The following GLIS3 variants were observed in gnomAD, a reference collection of about 807,000 sequenced individuals.
GLIS3 encodes GLIS family zinc finger 3, also known as zinc finger protein GLIS3.
A neutral mutation model predicts 78.6 loss-of-function variants in GLIS3; 53 were observed. That is an observed-to-expected ratio of 0.67 (90% CI 0.54 to 0.85). The LOEUF (loss-of-function observed/expected upper bound fraction) is 0.85, where lower values mean the gene tolerates loss of function less well. GLIS3 is among the 40% of genes least tolerant of loss of function. The pLI is 0.00. For synonymous variants in GLIS3, 684 were observed against 509.9 expected (o/e 1.34, Z -4.60); for missense variants, 1,703 against 1,231.1 (o/e 1.38, Z -5.74).
chr9:3,947,859 T>G (rs1172062892), intron 4 of GLIS3, among the ~76,000 whole-genome samples: 1 of 152,188 alleles, frequency 6.6e-6, no homozygotes, highest in Non-Finnish European at 1.5e-5. Flanking sequence ...GGCAGAGATA[T>G]TTTCCTGACA....
chr9:4,431,224 T>C, the GLIS3 span, among the ~76,000 whole-genome samples: 2 of 152,230 alleles, frequency 1.3e-5, no homozygotes, highest in Non-Finnish European at 2.9e-5. Context: ...AGGCCTTTGA[T>C]GCCAACAGAA....
intron 6 of GLIS3, 126 bp from the exon 7 acceptor site, chr9:3,898,961 T>G: frequency 1.7e-6 from 2 of 1,152,272 alleles, no homozygotes; most frequent in Non-Finnish European, 2.6e-6. Context: ...CAACTACGGG[T>G]AAGGCACAGA....
At position 3,977,543 on chromosome 9, in the gene GLIS3, T is replaced by C. The variant is rs1818896631; in HGVS notation, c.1711-40354A>G. 6.6e-6 allele frequency among the ~76,000 whole-genome samples: 1 copy of C among 152,172 alleles called. No homozygotes were observed. Among genetic ancestry groups the C allele is most frequent in the African/African-American group, 2.4e-5 (1 of 41,438 alleles). On this transcript the variant is annotated intron_variant, in intron 4 of 10. Coordinates refer to ENST00000381971, the MANE Select transcript of GLIS3 (RefSeq NM_001042413.2). This position sits in a 1 kb window ranked among gnomAD's most constrained non-coding sequence, Gnocchi z 4.1. ...TTTGAGAGCCCATCAAAACAGCAGA[T>C]ATATACCCTGCTCAGATGTGCTGTA... is the stretch of plus-strand genomic sequence containing the variant.
At position 4,118,602 on chromosome 9, in the gene GLIS3, C is replaced by G; in HGVS notation, c.876G>C (p.Arg292Ser). Reference protein sequence around the residue: ...PYPSPRHSSTRSHSARSKKRA... With the variant: ...PYPSPRHSSTSSHSARSKKRA... Reference sequence around the variant, plus strand: ...TCTTCTTGGAGCGGGCCGAGTGGGACCTGGTGGATGAGTGCCGAGGACTAG... The same window carrying G: ...TCTTCTTGGAGCGGGCCGAGTGGGAGCTGGTGGATGAGTGCCGAGGACTAG... The change falls in exon 4 of 11, where the codon AGG becomes AGC. Residue 292 changes from arginine to serine, a missense_variant. Arg to Ser is a moderately radical substitution (Grantham distance 110). Coordinates refer to ENST00000381971, the MANE Select transcript of GLIS3 (RefSeq NM_001042413.2). The surrounding 1 kb of genome is among the most constrained non-coding windows in gnomAD (Gnocchi z 4.7). The G allele has an allele frequency of 6.2e-7, 1 of 1,614,164 alleles. No homozygotes were observed. The highest frequency in any genetic ancestry group is 8.5e-7 in the Non-Finnish European group (1 of 1,180,020).
intron 2 of GLIS3, among the ~76,000 whole-genome samples, chr9:4,259,596 G>A (rs1055257727): frequency 6.6e-6 from 1 of 152,162 alleles, no homozygotes; most frequent in Admixed American, 6.5e-5. Context: ...GGCAAACTGA[G>A]ACCAAAGTTA....
chr9:3,915,041 T>A (rs1824411830), intron 6 of GLIS3, among the ~76,000 whole-genome samples: 1 of 151,940 alleles, frequency 6.6e-6, no homozygotes, highest in South Asian at 2.1e-4. Context: ...CACATGACCT[T>A]TTGATGCTTT....
At chr9:4,348,330 G>A (rs1054168951) in exon 1 of GLIS3, 2 of 137,670 alleles carry the variant, frequency 1.5e-5, no homozygotes, top group East Asian at 4.2e-4. Flanking sequence ...GCACCCTCGG[G>A]AAACAGCTTT....
chr9:4,143,714 C>A (rs989250862), intron 2 of GLIS3, among the ~76,000 whole-genome samples: 3 of 152,158 alleles, frequency 2.0e-5, no homozygotes, highest in African/African-American at 7.2e-5. Flanking sequence ...ACTCTTTGAC[C>A]AATATCTCCC....
chr9:4,254,713 G>A (rs970912065), intron 2 of GLIS3, among the ~76,000 whole-genome samples: 3 of 151,950 alleles, frequency 2.0e-5, no homozygotes, highest in Admixed American at 1.3e-4. Context: ...GGTGGCAAAC[G>A]CCTGTAATCC....
At chr9:4,428,167 G>A in the GLIS3 span, among the ~76,000 whole-genome samples, 309 of 151,916 alleles carry the variant, frequency 2.0e-3, no homozygotes, top group Admixed American at 3.7e-3. Flanking sequence ...CATTTCTCAT[G>A]CCTACCAAAA....
chr9:4,151,694 C>A (rs1040423887), intron 2 of GLIS3, among the ~76,000 whole-genome samples: 6 of 152,144 alleles, frequency 3.9e-5, no homozygotes, highest in Non-Finnish European at 8.8e-5. Context: ...AGGAAAAAAT[C>A]TGCCTTCAGG....
At chr9:4,192,011 C>A (rs1224729345) in intron 2 of GLIS3, among the ~76,000 whole-genome samples, 1 of 152,006 alleles carries the variant, frequency 6.6e-6, no homozygotes, top group African/African-American at 2.4e-5. Flanking sequence ...TATATCTTTA[C>A]ATTTGATTCT....
intron 2 of GLIS3, among the ~76,000 whole-genome samples, chr9:4,280,949 G>T (rs958157164): frequency 5.3e-5 from 8 of 152,162 alleles, no homozygotes; most frequent in African/African-American, 1.9e-4. Flanking sequence ...ACTGTTCTCA[G>T]TTCATAGCAT....
Position 4,185,008 on chromosome 9 carries a change from T to G in GLIS3, c.389-59067A>C, listed in dbSNP as rs536740082. On this transcript the variant is annotated intron_variant, in intron 2 of 10. Transcript: ENST00000381971. Reference sequence around the variant, plus strand: ...CACCATAAAATTCACCTTTGATTATTAGTAAACTTATCAAGTTGTATAACT... The same window carrying G: ...CACCATAAAATTCACCTTTGATTATGAGTAAACTTATCAAGTTGTATAACT... 2.0e-5 allele frequency among the ~76,000 whole-genome samples: 3 copies of G among 152,346 alleles called. No individual in the cohort carries two copies. In the East Asian group the frequency reaches 5.8e-4, roughly 29 times the overall value.
rs1817809298 is a variant in GLIS3 at position 3,827,871 on chromosome 9, T to A, written c.*401A>T. ...GTGAGGATTAGGTGAGGCAGGTCACTATGCCTCTCGTAATTGAGGTCTTTT... is the reference window on the plus strand; with the variant it reads ...GTGAGGATTAGGTGAGGCAGGTCACAATGCCTCTCGTAATTGAGGTCTTTT... On this transcript the variant is annotated 3_prime_UTR_variant, in exon 11 of 11. Transcript: ENST00000381971. 1 of 310,596 alleles carries A rather than the reference T, an allele frequency of 3.2e-6. No homozygotes were observed. The highest frequency in any genetic ancestry group is 6.3e-6 in the Non-Finnish European group (1 of 159,634). The allele number at this position is 310,596 out of a possible 1,614,324, so 19.2% of individuals were successfully genotyped here.
At chr9:3,952,009 G>T (rs1816731716) in intron 4 of GLIS3, among the ~76,000 whole-genome samples, 1 of 152,008 alleles carries the variant, frequency 6.6e-6, no homozygotes, top group Non-Finnish European at 1.5e-5. Flanking sequence ...CGTGGTGAGA[G>T]AGAGAGGGGA....
At chr9:4,269,975 C>G (rs1414639754) in intron 2 of GLIS3, among the ~76,000 whole-genome samples, 3 of 152,166 alleles carry the variant, frequency 2.0e-5, no homozygotes, top group African/African-American at 4.8e-5. Flanking sequence ...AAATGCCCCA[C>G]AGGTGTTTGT....
At chr9:4,329,436 C>CA (rs149068821) in intron 2 of GLIS3, among the ~76,000 whole-genome samples, 3,112 of 152,234 alleles carry the variant, frequency 0.02, 121 homozygotes, top group African/African-American at 0.071. Context: ...AAATGCCCCC[C>CA]AGTGGTATTT....
the GLIS3 span, among the ~76,000 whole-genome samples, chr9:4,415,977 A>G: frequency 9.1e-4 from 137 of 151,288 alleles, 1 homozygote; most frequent in Admixed American, 2.6e-3. Context: ...TTTAAAAAAT[A>G]CAAATATATT....
Sources: allele counts gnomAD v4.1 joint callset (sites outside exome capture counted in the v4.1 genomes callset), GRCh38; gene constraint gnomAD v4.1.1; non-coding constraint Gnocchi (gnomAD v3.1); transcripts MANE v1.5; gene names NCBI Gene and HGNC (gene_info 2026-07-23, HGNC 2026-07-21).